The following METTL25 variants were observed in gnomAD, a reference collection of about 807,000 sequenced individuals.
METTL25 encodes methyltransferase like 25.
A neutral mutation model predicts 71.6 loss-of-function variants in METTL25; 64 were observed. The observed-to-expected ratio is 0.89, with a 90% CI of 0.73 to 1.10. The LOEUF is 1.10. Among genes scored for constraint, METTL25 ranks in the 50% least tolerant of loss-of-function variants. The pLI is 0.00. For synonymous variants in METTL25, 287 were observed against 250.3 expected (o/e 1.15, Z -1.38); for missense variants, 807 against 707.0 (o/e 1.14, Z -1.60).
chr12:82,376,417 A>G (rs973103113), intron 1 of METTL25, among the ~76,000 whole-genome samples: 1 of 152,146 alleles, frequency 6.6e-6, no homozygotes, highest in African/African-American at 2.4e-5. Flanking sequence ...TTCATTTATA[A>G]TTTTATTCTT....
Position 82,423,976 on chromosome 12 carries a change from G to A in METTL25, c.1280-6917G>A, listed in dbSNP as rs1047454823. ...GTTCAACCATTGTGGAAGACAGTGT[G>A]GCAATTCCTCAGGTATCTAGAACTA... is the stretch of plus-strand genomic sequence containing the variant. On this transcript the variant is annotated intron_variant, in intron 5 of 11. Transcript: ENST00000248306. Among the ~76,000 whole-genome samples the A allele has an allele frequency of 1.4e-4, 21 of 152,260 alleles. No individual in the cohort carries two copies. The East Asian group carries it at 2.9e-3, about 21-fold the overall frequency.
At chr12:82,443,654 C>A (rs141003310) in intron 8 of METTL25, among the ~76,000 whole-genome samples, 1 of 152,248 alleles carries the variant, frequency 6.6e-6, no homozygotes, top group East Asian at 1.9e-4. Context: ...ATGGTCCCAA[C>A]ATCTCCTTGG....
chr12:82,429,024 T>G (rs1426877234), intron 5 of METTL25, among the ~76,000 whole-genome samples: 1 of 151,868 alleles, frequency 6.6e-6, no homozygotes, highest in Admixed American at 6.6e-5. Flanking sequence ...CTTCAAGCAT[T>G]TATCATTTCT....
chr12:82,399,012 A>G lies in METTL25; in HGVS notation c.749A>G (p.Asn250Ser). ...LKMAKERKVQ[N>S]KVKNKADTEE... ...ATGGCAAAAGAAAGGAAAGTGCAAA[A>G]TAAAGTTAAAAATAAAGCTGATACT... Residue 250 changes from asparagine (N) to serine (S), a missense_variant, in exon 4 of 12, where the codon AAT (asparagine) becomes AGT (serine). Transcript: ENST00000248306. The G allele has an allele frequency of 6.2e-7, 1 of 1,609,536 alleles. No homozygotes were observed. Among genetic ancestry groups the G allele is most frequent in the Non-Finnish European group, 8.5e-7 (1 of 1,178,084 alleles).
chr12:82,463,350 T>G (rs1892020978), intron 9 of METTL25, among the ~76,000 whole-genome samples: 1 of 152,076 alleles, frequency 6.6e-6, no homozygotes, highest in African/African-American at 2.4e-5. Context: ...GTTCTAATCC[T>G]GGCTTATTTC....
chr12:82,408,366 G>T (rs1011231852), intron 5 of METTL25, among the ~76,000 whole-genome samples: 44 of 152,056 alleles, frequency 2.9e-4, no homozygotes, highest in African/African-American at 1.0e-3. Flanking sequence ...GGAGTAACTA[G>T]ACCAAAACAA....
At chr12:82,443,532 A>T (rs1890517850) in intron 8 of METTL25, among the ~76,000 whole-genome samples, 2 of 152,102 alleles carry the variant, frequency 1.3e-5, no homozygotes, top group Admixed American at 1.3e-4. Flanking sequence ...AGTAAATTTA[A>T]GTCATGGCAT....
At chr12:82,360,622 G>C (rs963726967) in intron 1 of METTL25, among the ~76,000 whole-genome samples, 1 of 152,110 alleles carries the variant, frequency 6.6e-6, no homozygotes, top group South Asian at 2.1e-4. Flanking sequence ...GATCTCTGGA[G>C]GGAAAGCAGT....
chr12:82,431,342 A>G (rs1889484139), intron 6 of METTL25, among the ~76,000 whole-genome samples: 1 of 151,602 alleles, frequency 6.6e-6, no homozygotes, highest in South Asian at 2.1e-4. Flanking sequence ...GTAACTATCT[A>G]ATTAAATAAA....
intron 7 of METTL25, among the ~76,000 whole-genome samples, chr12:82,437,400 C>T (rs546408444): frequency 6.6e-6 from 1 of 151,580 alleles, no homozygotes; most frequent in Non-Finnish European, 1.5e-5. Context: ...TTTCACAATG[C>T]TCTAAGAGTC....
chr12:82,420,675 G>T (rs977080710), intron 5 of METTL25, among the ~76,000 whole-genome samples: 1 of 152,068 alleles, frequency 6.6e-6, no homozygotes, highest in Non-Finnish European at 1.5e-5. Context: ...AATCCAAATT[G>T]TAAAAAGTCG....
At chr12:82,423,520 A>G (rs936817359) in intron 5 of METTL25, among the ~76,000 whole-genome samples, 2 of 152,226 alleles carry the variant, frequency 1.3e-5, no homozygotes, top group African/African-American at 4.8e-5. Context: ...AGCAATGGCA[A>G]CAAAAGCCAA....
chr12:82,401,092 C>T (rs746974583), intron 4 of METTL25, among the ~76,000 whole-genome samples: 1 of 152,004 alleles, frequency 6.6e-6, no homozygotes, highest in Non-Finnish European at 1.5e-5. Context: ...GTATAAACCT[C>T]TATAAACTGT....
In METTL25 at chr12:82,479,239, A is replaced by G; in HGVS notation, c.*215A>G. On this transcript the variant is annotated 3_prime_UTR_variant, in exon 12 of 12. Coordinates refer to ENST00000248306, the MANE Select transcript of METTL25 (RefSeq NM_032230.3). ...GAAGAACCTGTCATAATAATATAAA[A>G]CAGTTGACCTACATTCCTGAGTTAG... 2.3e-6 allele frequency: 1 copy of G among 434,588 alleles called. No individual in the cohort carries two copies. Among genetic ancestry groups the G allele is most frequent in the Non-Finnish European group, 4.1e-6 (1 of 242,022 alleles). The allele number at this position is 434,588 out of a possible 1,614,324, so 26.9% of individuals were successfully genotyped here. A position where few individuals can be genotyped will look rare whatever the true frequency, so the allele number is the denominator to read the frequency against.
rs1886332355 is a variant in METTL25, at chr12:82,398,931, A to G, written c.668A>G (p.His223Arg). Residue 223 changes from histidine (H) to arginine (R), a missense_variant, in exon 4 of 12, where the codon CAT (histidine) becomes CGT (arginine). Coordinates refer to ENST00000248306, the MANE Select transcript of METTL25 (RefSeq NM_032230.3). ...AEERNRKLKK[H>R]WKLCHAQSRL... is the part of the protein sequence containing the mutation. ...GAGAGAAACAGAAAATTGAAGAAAC[A>G]TTGGAAACTCTGTCATGCTCAGTCA... The G allele has an allele frequency of 6.2e-7, 1 of 1,612,504 alleles. No homozygotes were observed. The highest frequency in any genetic ancestry group is 1.3e-5 in the African/African-American group (1 of 74,850).
chr12:82,396,906 T>C (rs916782065), intron 3 of METTL25, among the ~76,000 whole-genome samples: 2 of 152,118 alleles, frequency 1.3e-5, no homozygotes, highest in African/African-American at 2.4e-5. Flanking sequence ...GCAATTGATA[T>C]CTTTTTGTGT....
chr12:82,443,363 A>G (rs1205336757), intron 8 of METTL25, among the ~76,000 whole-genome samples: 1 of 151,894 alleles, frequency 6.6e-6, no homozygotes, highest in Non-Finnish European at 1.5e-5. Context: ...TTCTCAGCAT[A>G]AACAGTGGAA....
intron 1 of METTL25, among the ~76,000 whole-genome samples, chr12:82,362,032 C>T (rs1003159771): frequency 1.3e-5 from 2 of 152,176 alleles, no homozygotes; most frequent in African/African-American, 4.8e-5. Flanking sequence ...GAGCGCAATG[C>T]ACAGTTTGGA....
At chr12:82,417,769 A>G (rs891152468) in intron 5 of METTL25, among the ~76,000 whole-genome samples, 8 of 152,238 alleles carry the variant, frequency 5.3e-5, no homozygotes, top group African/African-American at 1.9e-4. Context: ...GATAAGTACT[A>G]TGGAGAAAAA....
Sources: allele counts gnomAD v4.1 joint callset (sites outside exome capture counted in the v4.1 genomes callset), GRCh38; gene constraint gnomAD v4.1.1; transcripts MANE v1.5; gene names NCBI Gene and HGNC (gene_info 2026-07-23, HGNC 2026-07-21).